The following CATSPERD variants were observed in gnomAD, a reference collection of about 807,000 sequenced individuals.
The protein encoded by CATSPERD is cation channel sperm-associated auxiliary subunit delta.
Under a neutral mutation model 98.1 loss-of-function variants are expected in CATSPERD, and 86 were observed. That is an observed-to-expected ratio of 0.88 (90% confidence interval 0.74 to 1.05). The LOEUF (loss-of-function observed/expected upper bound fraction) is 1.05. Ranked by LOEUF, CATSPERD falls within the 50% of genes least tolerant of loss-of-function variation. The probability of loss-of-function intolerance (pLI) is 0.00; values close to 1 mark genes in which losing one functional copy is unlikely to be tolerated. For synonymous variants in CATSPERD, 394 were observed against 390.2 expected (o/e 1.01, Z -0.12); for missense variants, 995 against 1,005.7 (o/e 0.99, Z 0.14).
At chr19:5,776,347 G>T (rs1197144594) in intron 21 of CATSPERD, 32 bp downstream of exon 21, 1 of 1,607,460 alleles carries the variant, frequency 6.2e-7, no homozygotes, top group Non-Finnish European at 8.5e-7. Context: ...TACGACAGGG[G>T]ACGCCTGGTG....
Position 5,754,185 on chromosome 19 carries a change from C to A in CATSPERD, c.1218C>A (p.His406Gln), listed in dbSNP as rs1351060774. The change falls in exon 13 of 22, where the codon CAC becomes CAA. Residue 406 changes from histidine (H) to glutamine (Q), a missense_variant. Transcript: ENST00000381624. ...FIYRMYTIDM[H>Q]SQLELTASLI... The stretch of plus-strand genomic sequence containing the variant: ...ACAGGATGTATACCATTGACATGCA[C>A]AGCCAGCTGGAATTGACTGCTTCGT... 6.2e-7 allele frequency: 1 copy of A among 1,613,956 alleles called. No homozygotes were observed. The highest frequency in any genetic ancestry group is 8.5e-7 in the Non-Finnish European group (1 of 1,179,922).
chr19:5,776,354 G>A (rs1599605490), intron 21 of CATSPERD, 39 bp downstream of exon 21: 3 of 1,604,994 alleles, frequency 1.9e-6, no homozygotes, highest in Non-Finnish European at 2.6e-6. Context: ...GGGGACGCCT[G>A]GTGCCCCTGG....
intron 5 of CATSPERD, 142 bp downstream of exon 5, chr19:5,734,112 A>G: frequency 1.7e-6 from 1 of 585,962 alleles, no homozygotes; most frequent in Non-Finnish European, 2.9e-6. Context: ...CCAAAATGAA[A>G]ATTGGCCTGA....
intron 20 of CATSPERD, chr19:5,775,387 C>A: frequency 2.3e-6 from 1 of 426,334 alleles, no homozygotes. Flanking sequence ...CCTGTAATCC[C>A]AGCACTTTGG....
chr19:5,762,575 A>G (rs752574044), intron 15 of CATSPERD, among the ~76,000 whole-genome samples: 1 of 152,106 alleles, frequency 6.6e-6, no homozygotes, highest in African/African-American at 2.4e-5. Flanking sequence ...ATAGATGGAT[A>G]GAGAGATGGA....
At chr19:5,729,969 A>C in intron 4 of CATSPERD, 25 bp downstream of exon 4, 1 of 1,276,792 alleles carries the variant, frequency 7.8e-7, no homozygotes, top group Non-Finnish European at 1.1e-6. Flanking sequence ...GAGTGATCTG[A>C]AGGATGCTAG....
At chr19:5,745,827 A>G (rs1465483592) in intron 8 of CATSPERD, 86 bp from the exon 9 acceptor site, 1 of 1,399,072 alleles carries the variant, frequency 7.1e-7, no homozygotes, top group Non-Finnish European at 9.7e-7. Context: ...TGCACCTGCT[A>G]GCCAGACTCC....
At chr19:5,770,859 C>G in intron 18 of CATSPERD, 85 bp from the exon 19 acceptor site, 1 of 1,506,064 alleles carries the variant, frequency 6.6e-7, no homozygotes, top group Admixed American at 2.2e-5. Flanking sequence ...TCCCCATTTG[C>G]AAAAAAGAAA....
chr19:5,751,798 C>A lies in CATSPERD; in HGVS notation c.1139C>A (p.Pro380His), dbSNP rs547245144. 6.2e-7 allele frequency: 1 copy of A among 1,612,588 alleles called. No individual in the cohort carries two copies. Among genetic ancestry groups the A allele is most frequent in the South Asian group, 1.1e-5 (1 of 90,974 alleles). ...AATATCCAGGCGCTTCTCATGGACC[C>A]TGAACTCCACGTTGGAAAGTGCAAG... ...LVNIQALLMD[P>H]ELHVGKCKIE... The change falls in exon 12 of 22, where the codon CCT becomes CAT. Residue 380 changes from proline (P) to histidine (H), a missense_variant. Coordinates refer to ENST00000381624, the MANE Select transcript of CATSPERD (RefSeq NM_152784.4).
At chr19:5,737,483 G>A (rs1366041155) in intron 6 of CATSPERD, among the ~76,000 whole-genome samples, 2 of 148,142 alleles carry the variant, frequency 1.4e-5, no homozygotes, top group Admixed American at 7.0e-5. Context: ...CCAGGAGATC[G>A]AGGCTGCAAT....
intron 21 of CATSPERD, 108 bp downstream of exon 21, chr19:5,776,423 C>A: frequency 8.1e-7 from 1 of 1,233,156 alleles, no homozygotes; most frequent in Non-Finnish European, 1.1e-6. Context: ...ATTCCCCCAA[C>A]AGCCCAGGCC....
At chr19:5,761,979 G>A (rs1019420525) in intron 15 of CATSPERD, among the ~76,000 whole-genome samples, 1 of 142,436 alleles carries the variant, frequency 7.0e-6, no homozygotes, top group Non-Finnish European at 1.5e-5. Flanking sequence ...CTCAGGTGAT[G>A]TGCCCGCCTT....
intron 14 of CATSPERD, 86 bp from the exon 15 acceptor site, chr19:5,759,000 A>T (rs1276617727): frequency 2.4e-6 from 3 of 1,228,948 alleles, no homozygotes; most frequent in African/African-American, 3.0e-5. Flanking sequence ...GTCCCCTCCA[A>T]CACCCCATCT....
chr19:5,753,007 G>A (rs146501674), intron 12 of CATSPERD, among the ~76,000 whole-genome samples: 1,595 of 149,228 alleles, frequency 0.011, 28 homozygotes, highest in African/African-American at 0.038. Context: ...CAGCCTGGGT[G>A]ATGGAGTGAG....
intron 12 of CATSPERD, chr19:5,753,413 T>G (rs1172670883): frequency 6.2e-6 from 1 of 160,052 alleles, no homozygotes; most frequent in African/African-American, 2.4e-5. Flanking sequence ...AAAAAAAAAA[T>G]TAGCTGGGCG....
intron 9 of CATSPERD, 106 bp downstream of exon 9, chr19:5,746,169 G>A (rs1419635699): frequency 7.3e-6 from 9 of 1,228,902 alleles, no homozygotes; most frequent in African/African-American, 4.5e-5. Flanking sequence ...TCGACCACTC[G>A]GTTATTTTTT....
At position 5,754,217 on chromosome 19, in the gene CATSPERD, C is replaced by G. The variant is rs1252572824; in HGVS notation, c.1250C>G (p.Pro417Arg). ...SQLELTASLI[P>R]QPGTSLIPLV... ...CTGGAATTGACTGCTTCGTTGATAC[C>G]CCAGCCAGGCACATCCCTGATTCCT... The change falls in exon 13 of 22, where the codon CCC becomes CGC. Residue 417 changes from proline to arginine, a missense_variant. By Grantham distance (103) the Pro-to-Arg change is moderately radical. Coordinates refer to ENST00000381624, the MANE Select transcript of CATSPERD (RefSeq NM_152784.4). 1 of 1,613,412 alleles carries G rather than the reference C, an allele frequency of 6.2e-7. No homozygotes were observed. Among genetic ancestry groups the G allele is most frequent in the South Asian group, 1.1e-5 (1 of 91,064 alleles).
At chr19:5,740,289 T>A (rs1599532866) in intron 7 of CATSPERD, among the ~76,000 whole-genome samples, 1 of 122,890 alleles carries the variant, frequency 8.1e-6, no homozygotes, top group Non-Finnish European at 1.7e-5. Context: ...CTCAAAAAAA[T>A]AAAATAAAAT....
intron 21 of CATSPERD, 88 bp downstream of exon 21, chr19:5,776,403 C>G: frequency 6.8e-7 from 1 of 1,472,836 alleles, no homozygotes. Context: ...CAGGTCCTGG[C>G]TAAACCTGAA....
Sources: gnomAD v4.1 joint callset for allele counts (sites outside exome capture counted in the v4.1 genomes callset) on GRCh38, gnomAD v4.1.1 for gene constraint, MANE v1.5 for transcripts, NCBI Gene and HGNC (gene_info 2026-07-23, HGNC 2026-07-21) for gene names.